The following ANTXR2 variants were observed in gnomAD, a reference collection of about 807,000 sequenced individuals.
ANTXR2 encodes ANTXR cell adhesion molecule 2.
A neutral mutation model predicts 73.7 loss-of-function variants in ANTXR2; 44 were observed. The observed-to-expected ratio is 0.60, with a 90% CI of 0.47 to 0.77. The LOEUF (loss-of-function observed/expected upper bound fraction) is 0.77, where lower values mean the gene tolerates loss of function less well. Among genes scored for constraint, ANTXR2 ranks in the 30% least tolerant of loss-of-function variants. The probability of loss-of-function intolerance (pLI) is 0.00; values close to 1 mark genes in which losing one functional copy is unlikely to be tolerated. For missense variants in ANTXR2, 604 were observed against 592.5 expected, an observed-to-expected ratio of 1.02 and a Z score of -0.20; for synonymous variants, 217 against 205.9, an observed-to-expected ratio of 1.05 and a Z score of -0.46.
At chr4:80,048,267 TAA>T (rs557989348) in intron 7 of ANTXR2, among the ~76,000 whole-genome samples, 11 of 122,722 alleles carry the variant, frequency 9.0e-5, no homozygotes, top group Non-Finnish European at 6.9e-5. Context: ...AAGCATTAGG[TAA>T]AAAAAAAAAA....
In ANTXR2 at chr4:79,901,449, T is replaced by C. The variant is rs1345171752; in HGVS notation, c.*5980A>G. ...TGTTTGGCATCTAAATTGTTTAAAA[T>C]CACCTTGCCTTTTAGTTCATGGAGA... On this transcript the variant is annotated 3_prime_UTR_variant, in exon 17 of 17. Coordinates refer to ENST00000403729, the MANE Select transcript of ANTXR2 (RefSeq NM_058172.6). 6.6e-6 allele frequency: 1 copy of C among 151,846 alleles called. No homozygotes were observed. 9.4% of individuals were successfully genotyped at this position (151,846 alleles called of 1,614,324 possible). A position where few individuals can be genotyped will look rare whatever the true frequency, so the allele number is the denominator to read the frequency against.
At chr4:79,922,610 A>T (rs1449131760) in intron 16 of ANTXR2, among the ~76,000 whole-genome samples, 1 of 152,122 alleles carries the variant, frequency 6.6e-6, no homozygotes, top group African/African-American at 2.4e-5. Context: ...CTAAAAACTA[A>T]TATGTATTAA....
At chr4:79,988,020 A>G (rs1271636923) in intron 12 of ANTXR2, among the ~76,000 whole-genome samples, 2 of 151,936 alleles carry the variant, frequency 1.3e-5, no homozygotes, top group African/African-American at 2.4e-5. Context: ...ACTTAAGTAC[A>G]TATCACATTG....
intron 12 of ANTXR2, among the ~76,000 whole-genome samples, chr4:80,004,323 C>G (rs549233013): frequency 6.6e-6 from 1 of 151,944 alleles, no homozygotes; most frequent in Non-Finnish European, 1.5e-5. Context: ...TGGGGAATAT[C>G]AGAAAATTCA....
intron 16 of ANTXR2, among the ~76,000 whole-genome samples, chr4:79,911,205 A>T (rs915063907): frequency 1.3e-5 from 2 of 152,200 alleles, no homozygotes; most frequent in Non-Finnish European, 2.9e-5. Flanking sequence ...AAGGCTTACA[A>T]GTCTGTCATA....
intron 12 of ANTXR2, among the ~76,000 whole-genome samples, chr4:79,994,699 T>C (rs1034321742): frequency 6.6e-6 from 1 of 151,966 alleles, no homozygotes; most frequent in East Asian, 1.9e-4. Flanking sequence ...AATAGTGATA[T>C]GGGAAAATTG....
At chr4:80,066,935 C>T (rs569144227) in intron 3 of ANTXR2, among the ~76,000 whole-genome samples, 2 of 152,266 alleles carry the variant, frequency 1.3e-5, no homozygotes, top group South Asian at 4.1e-4. Flanking sequence ...CAGTGGCTCA[C>T]GCCTGTAATC....
At chr4:80,033,144 G>C (rs556154235) in intron 9 of ANTXR2, among the ~76,000 whole-genome samples, 71 of 152,042 alleles carry the variant, frequency 4.7e-4, no homozygotes, top group African/African-American at 1.6e-3. Flanking sequence ...GTACAGTCAG[G>C]AAAAGTGGGT....
intron 16 of ANTXR2, among the ~76,000 whole-genome samples, chr4:79,937,667 G>T (rs920932044): frequency 1.3e-5 from 2 of 152,202 alleles, no homozygotes; most frequent in Admixed American, 1.3e-4. Flanking sequence ...TATATATTGA[G>T]CATCAATTAT....
intron 16 of ANTXR2, among the ~76,000 whole-genome samples, chr4:79,966,882 C>A (rs1211673204): frequency 3.3e-5 from 5 of 151,200 alleles, no homozygotes; most frequent in African/African-American, 1.2e-4. Context: ...ATTTACTGTG[C>A]TGGCGACTAT....
chr4:79,983,802 G>T (rs1729987512), intron 14 of ANTXR2, 76 bp downstream of exon 14: 6 of 1,103,178 alleles, frequency 5.4e-6, no homozygotes, highest in Admixed American at 3.6e-5. Flanking sequence ...ATTGTGAAAA[G>T]TAGTTTCTAT....
At chr4:80,061,098 C>A (rs1246448407) in intron 3 of ANTXR2, among the ~76,000 whole-genome samples, 2 of 152,054 alleles carry the variant, frequency 1.3e-5, no homozygotes, top group African/African-American at 4.8e-5. Flanking sequence ...TCAGAGTAGT[C>A]AAAGTTTTCA....
At chr4:80,069,599 G>T in intron 2 of ANTXR2, 92 bp from the exon 3 acceptor site, 1 of 1,003,504 alleles carries the variant, frequency 1.0e-6, no homozygotes, top group Non-Finnish European at 1.5e-6. Flanking sequence ...ATTTAAAATT[G>T]GTCTCACTGA....
chr4:79,977,405 T>G (rs1729680996), intron 16 of ANTXR2: 1 of 961,558 alleles, frequency 1.0e-6, no homozygotes, highest in African/African-American at 1.7e-5. Flanking sequence ...TGTAAAGAAT[T>G]TCTTGAAAAG....
Position 80,054,274 on chromosome 4 carries a change from A to C in ANTXR2, c.634T>G (p.Ser212Ala). The change falls in exon 7 of 17, where the codon TCT becomes GCT. Residue 212 changes from serine (S) to alanine (A), a missense_variant and splice_region_variant. By Grantham distance (99) the Ser-to-Ala change is moderately conservative (BLOSUM62 1). Coordinates refer to ENST00000403729, the MANE Select transcript of ANTXR2 (RefSeq NM_058172.6). ...CCTGCCCCCAGAGAAATACTCACAGAATTAATTATTCCTTTAAGAGCCTGA... is the reference window on the plus strand; with the variant it reads ...CCTGCCCCCAGAGAAATACTCACAGCATTAATTATTCCTTTAAGAGCCTGA... ...GFQALKGIIN[S>A]ILAQSCTEIL... is the part of the protein sequence containing the mutation. The C allele has an allele frequency of 6.3e-7, 1 of 1,594,326 alleles. No individual in the cohort carries two copies. Among genetic ancestry groups the C allele is most frequent in the Non-Finnish European group, 8.5e-7 (1 of 1,169,730 alleles).
At chr4:79,947,599 G>T (rs1393013220) in intron 16 of ANTXR2, among the ~76,000 whole-genome samples, 2 of 152,108 alleles carry the variant, frequency 1.3e-5, no homozygotes, top group Non-Finnish European at 2.9e-5. Context: ...TAAATCTTTA[G>T]TGTCTTCTCC....
chr4:80,009,819 C>A (rs1731481565), intron 11 of ANTXR2, among the ~76,000 whole-genome samples: 1 of 149,656 alleles, frequency 6.7e-6, no homozygotes, highest in African/African-American at 2.5e-5. Context: ...TGCATTCCAG[C>A]CTGGGAGACA....
At chr4:80,063,266 T>G (rs1474982408) in intron 3 of ANTXR2, among the ~76,000 whole-genome samples, 1 of 152,158 alleles carries the variant, frequency 6.6e-6, no homozygotes, top group Non-Finnish European at 1.5e-5. Flanking sequence ...ACAGCTAGTA[T>G]GTAGCTCCTA....
At chr4:79,981,028 T>G (rs923570870) in intron 14 of ANTXR2, among the ~76,000 whole-genome samples, 3 of 151,898 alleles carry the variant, frequency 2.0e-5, no homozygotes, top group Non-Finnish European at 4.4e-5. Flanking sequence ...CCCAGCTACA[T>G]GAGAGAATCG....
Sources: gnomAD v4.1 joint callset for allele counts (sites outside exome capture counted in the v4.1 genomes callset) on GRCh38, gnomAD v4.1.1 for gene constraint, MANE v1.5 for transcripts, NCBI Gene and HGNC (gene_info 2026-07-23, HGNC 2026-07-21) for gene names.